Variants in PSMD14 observed in about 807,000 individuals in gnomAD.
PSMD14 encodes the protein proteasome 26S subunit, non-ATPase 14.
A neutral mutation model predicts 41.2 loss-of-function variants in PSMD14; 7 were observed. The observed-to-expected ratio is 0.17, with a 90% CI of 0.10 to 0.32. The LOEUF (loss-of-function observed/expected upper bound fraction) is 0.32. Among genes scored for constraint, PSMD14 ranks in the 10% least tolerant of loss-of-function variants. The pLI is 1.00. For missense variants in PSMD14, 139 were observed against 375.6 expected, an observed-to-expected ratio of 0.37 and a Z score of 5.21; for synonymous variants, 114 against 122.3, an observed-to-expected ratio of 0.93 and a Z score of 0.45.
At chr2:161,360,385 C>T (rs1683274241) in intron 3 of PSMD14, among the ~76,000 whole-genome samples, 1 of 150,230 alleles carries the variant, frequency 6.7e-6, no homozygotes, top group African/African-American at 2.5e-5. Context: ...TTTTTTTCAC[C>T]CGCTCTGTCA....
chr2:161,371,118 C>G, intron 6 of PSMD14, 54 bp from the exon 7 acceptor site: 3 of 1,550,268 alleles, frequency 1.9e-6, no homozygotes, highest in Non-Finnish European at 2.6e-6. Flanking sequence ...CTTTTCATAT[C>G]ATAAATGTAT....
intron 3 of PSMD14, among the ~76,000 whole-genome samples, chr2:161,363,913 A>T (rs946300996): frequency 2.1e-4 from 32 of 152,188 alleles, no homozygotes; most frequent in Non-Finnish European, 2.9e-5. Flanking sequence ...TTAGCCATCC[A>T]TAGGTGGCTT....
intron 1 of PSMD14, among the ~76,000 whole-genome samples, chr2:161,315,156 A>C (rs1435264193): frequency 3.3e-5 from 5 of 152,200 alleles, no homozygotes; most frequent in Admixed American, 6.5e-5. Context: ...CGTTTGGTAA[A>C]GCTTGGAGAC....
chr2:161,398,193 T>C (rs1180674041), intron 10 of PSMD14, among the ~76,000 whole-genome samples: 1 of 152,154 alleles, frequency 6.6e-6, no homozygotes, highest in African/African-American at 2.4e-5. Context: ...AATTTGGGAA[T>C]GTAATTCCCT....
chr2:161,368,479 A>G (rs1468996309), intron 5 of PSMD14, among the ~76,000 whole-genome samples: 1 of 152,070 alleles, frequency 6.6e-6, no homozygotes, highest in African/African-American at 2.4e-5. Flanking sequence ...CCTGTATAGA[A>G]TACATTATTC....
At chr2:161,365,688 ATAAT>A (rs1187470213) in intron 3 of PSMD14, among the ~76,000 whole-genome samples, 4 of 152,172 alleles carry the variant, frequency 2.6e-5, no homozygotes, top group Non-Finnish European at 5.9e-5. Flanking sequence ...AAATTGGCAA[ATAAT>A]TATATATATT....
chr2:161,367,447 T>G, intron 3 of PSMD14, 31 bp from the exon 4 acceptor site: 3 of 1,521,834 alleles, frequency 2.0e-6, no homozygotes, highest in Non-Finnish European at 2.7e-6. Context: ...TCTGTGTTTG[T>G]TTTAATAATA....
intron 3 of PSMD14, among the ~76,000 whole-genome samples, chr2:161,365,538 AT>A (rs922243705): frequency 6.6e-6 from 1 of 151,986 alleles, no homozygotes; most frequent in Non-Finnish European, 1.5e-5. Flanking sequence ...AAAAAAAAAT[AT>A]TTTCAGGCAA....
At chr2:161,337,532 A>G (rs936104272) in intron 3 of PSMD14, among the ~76,000 whole-genome samples, 3 of 152,198 alleles carry the variant, frequency 2.0e-5, no homozygotes. Flanking sequence ...TCTAATTCTA[A>G]AGTATCTCTG....
At chr2:161,319,814 T>G (rs1425943873) in intron 3 of PSMD14, among the ~76,000 whole-genome samples, 2 of 152,208 alleles carry the variant, frequency 1.3e-5, no homozygotes, top group Non-Finnish European at 2.9e-5. Context: ...AGAACTTTCA[T>G]AAGAACTGTT....
intron 8 of PSMD14, among the ~76,000 whole-genome samples, chr2:161,386,977 C>A (rs1397707825): frequency 6.6e-6 from 1 of 151,900 alleles, no homozygotes; most frequent in African/African-American, 2.4e-5. Flanking sequence ...ACCTTATAGC[C>A]TGTAATTTAA....
chr2:161,358,823 C>T (rs1479664299), intron 3 of PSMD14, among the ~76,000 whole-genome samples: 2 of 152,136 alleles, frequency 1.3e-5, no homozygotes, highest in Non-Finnish European at 2.9e-5. Context: ...TACCTGTAAT[C>T]CCAGCTACTT....
At chr2:161,382,152 A>G (rs1683577913) in intron 7 of PSMD14, 1 of 151,856 alleles carries the variant, frequency 6.6e-6, no homozygotes. Flanking sequence ...ATTCACAGCA[A>G]TCACTTCCAA....
chr2:161,344,816 A>G (rs1226483392), intron 3 of PSMD14, among the ~76,000 whole-genome samples: 1 of 152,206 alleles, frequency 6.6e-6, no homozygotes, highest in African/African-American at 2.4e-5. Flanking sequence ...TATGATTTTC[A>G]GATATTATCT....
intron 3 of PSMD14, among the ~76,000 whole-genome samples, chr2:161,361,554 CAT>C (rs1403932796): frequency 1.3e-5 from 2 of 151,768 alleles, no homozygotes; most frequent in Non-Finnish European, 2.9e-5. Flanking sequence ...ATAACTCTAA[CAT>C]AATGATATCA....
chr2:161,411,462 C>T lies in PSMD14; in HGVS notation c.*62C>T. 1 of 1,229,590 alleles carries T rather than the reference C, an allele frequency of 8.1e-7. No homozygotes were observed. Among genetic ancestry groups the T allele is most frequent in the Non-Finnish European group, 1.1e-6 (1 of 880,762 alleles). The allele number at this position is 1,229,590 out of a possible 1,614,324, so 76.2% of individuals were successfully genotyped here. A position where few individuals can be genotyped will look rare whatever the true frequency, so the allele number is the denominator to read the frequency against. On this transcript the variant is annotated 3_prime_UTR_variant, in exon 12 of 12. Transcript: ENST00000409682. ...ATATTCCTCTGTTGTTCCTAATGCT[C>T]AAAATCAAGGGACCTCTGAAGGTGT...
chr2:161,342,929 A>G (rs1682986421), intron 3 of PSMD14, among the ~76,000 whole-genome samples: 1 of 152,146 alleles, frequency 6.6e-6, no homozygotes, highest in Non-Finnish European at 1.5e-5. Context: ...CCTTCAAGTG[A>G]TATACTACTT....
At chr2:161,330,311 AAGAC>A (rs1402850531) in intron 3 of PSMD14, among the ~76,000 whole-genome samples, 1 of 152,218 alleles carries the variant, frequency 6.6e-6, no homozygotes, top group Non-Finnish European at 1.5e-5. Flanking sequence ...TATGGGAAAG[AAGAC>A]AGAAGAAGAT....
At chr2:161,324,963 T>A (rs1273501592) in intron 3 of PSMD14, among the ~76,000 whole-genome samples, 1 of 152,160 alleles carries the variant, frequency 6.6e-6, no homozygotes, top group Non-Finnish European at 1.5e-5. Context: ...ATAAACAACA[T>A]CATGATGATT....
Sources: gnomAD v4.1 joint callset for allele counts (sites outside exome capture counted in the v4.1 genomes callset) on GRCh38, gnomAD v4.1.1 for gene constraint, MANE v1.5 for transcripts, NCBI Gene and HGNC (gene_info 2026-07-23, HGNC 2026-07-21) for gene names.